WWOX: variants seen among roughly 807,000 people sequenced by gnomAD.
WWOX encodes the protein WW domain containing oxidoreductase.
WWOX carries 69 observed loss-of-function variants against 46.2 expected under a neutral mutation model. The ratio of observed to expected loss-of-function variants is 1.49; its 90% CI spans 1.23 to 1.82. The LOEUF (loss-of-function observed/expected upper bound fraction) is 1.82. WWOX is among the 40% of genes most tolerant of loss of function. The pLI is 0.00. For missense variants in WWOX, 919 were observed against 542.6 expected, an observed-to-expected ratio of 1.69 and a Z score of -6.89; for synonymous variants, 359 against 202.6, an observed-to-expected ratio of 1.77 and a Z score of -6.56.
At chr16:79,130,332 TATAAA>T (rs567509842) in intron 8 of WWOX, among the ~76,000 whole-genome samples, 19 of 152,330 alleles carry the variant, frequency 1.2e-4, no homozygotes, top group South Asian at 6.2e-4. Context: ...GATAATTAAA[TATAAA>T]ATAACATACA....
chr16:79,076,285 C>T (rs1013235658), intron 8 of WWOX, among the ~76,000 whole-genome samples: 2 of 152,212 alleles, frequency 1.3e-5, no homozygotes, highest in Non-Finnish European at 2.9e-5. Flanking sequence ...AAAAGAATCA[C>T]TTTTTCCTAG....
At chr16:78,715,187 G>A (rs753677810) in intron 8 of WWOX, among the ~76,000 whole-genome samples, 3 of 152,208 alleles carry the variant, frequency 2.0e-5, no homozygotes, top group African/African-American at 7.2e-5. Flanking sequence ...AGATTTATCA[G>A]TGAGAAAAGA....
chr16:78,720,768 T>A (rs930006866), intron 8 of WWOX, among the ~76,000 whole-genome samples: 7 of 152,154 alleles, frequency 4.6e-5, no homozygotes, highest in African/African-American at 1.7e-4. Context: ...AGGGTTATTC[T>A]CAAACTCTAT....
At chr16:78,246,157 T>C (rs560159219) in intron 5 of WWOX, among the ~76,000 whole-genome samples, 1 of 152,326 alleles carries the variant, frequency 6.6e-6, no homozygotes, top group East Asian at 1.9e-4. Context: ...CTGGATTTTC[T>C]TTCTGTTGCC....
At chr16:79,063,784 G>C (rs1307084019) in intron 8 of WWOX, among the ~76,000 whole-genome samples, 1 of 152,136 alleles carries the variant, frequency 6.6e-6, no homozygotes, top group African/African-American at 2.4e-5. Flanking sequence ...AATGAAAATA[G>C]AGCAAACATC....
chr16:78,646,993 G>T (rs1409023940), intron 8 of WWOX, among the ~76,000 whole-genome samples: 2 of 152,096 alleles, frequency 1.3e-5, no homozygotes, highest in Non-Finnish European at 2.9e-5. Context: ...GACTCTGCTG[G>T]GCCCAGATAT....
chr16:78,248,751 A>T (rs2037896207), intron 5 of WWOX, among the ~76,000 whole-genome samples: 1 of 150,676 alleles, frequency 6.6e-6, no homozygotes, highest in South Asian at 2.1e-4. Context: ...ATAAATAAAT[A>T]AATTTGACAC....
chr16:79,011,464 TTTATTTA>T (rs1417397472), intron 8 of WWOX, among the ~76,000 whole-genome samples: 56 of 85,170 alleles, frequency 6.6e-4, no homozygotes, highest in Middle Eastern at 9.1e-3. Context: ...TTTTATTTTA[TTTATTTA>T]TTTATTTATT....
chr16:78,548,175 A>AAATTC lies in WWOX; in HGVS notation c.1056+115425_1056+115426insTTCAA, dbSNP rs1567636454. 1.2e-3 allele frequency among the ~76,000 whole-genome samples: 58 copies of AAATTC among 49,498 alleles called. 15 individuals are homozygous for AAATTC. The highest frequency in any genetic ancestry group is 4.2e-3 in the East Asian group (5 of 1,188). The allele number at this position is 49,498 out of a possible 152,430, so 32.5% of individuals were successfully genotyped here. On this transcript the variant is annotated intron_variant, in intron 8 of 8. Coordinates refer to ENST00000566780, the MANE Select transcript of WWOX (RefSeq NM_016373.4). ...CTCAAAAAAAAAAAAAAAAAAAAAA[A>AAATTC]AAATTACGAATTTTGCGAGGACGCA...
chr16:78,453,234 G>C (rs79637975), intron 8 of WWOX, among the ~76,000 whole-genome samples: 18,072 of 151,774 alleles, frequency 0.12, 1,658 homozygotes, highest in African/African-American at 0.25. Flanking sequence ...TAATAGCCTG[G>C]CCAATATGGT....
chr16:78,675,610 C>G (rs139905963), intron 8 of WWOX, among the ~76,000 whole-genome samples: 1 of 152,062 alleles, frequency 6.6e-6, no homozygotes, highest in Non-Finnish European at 1.5e-5. Context: ...CCCTACTGCT[C>G]GCAACCTCAG....
intron 4 of WWOX, among the ~76,000 whole-genome samples, chr16:78,138,867 G>C (rs2033889061): frequency 6.6e-6 from 1 of 152,172 alleles, no homozygotes; most frequent in Admixed American, 6.5e-5. Context: ...ATCATCATTT[G>C]GCATCTCTAT....
chr16:78,916,556 C>G (rs182919490), intron 8 of WWOX, among the ~76,000 whole-genome samples: 32 of 152,254 alleles, frequency 2.1e-4, no homozygotes, highest in African/African-American at 7.0e-4. Flanking sequence ...ATTTTGAATA[C>G]TTCTGAGAGA....
intron 8 of WWOX, among the ~76,000 whole-genome samples, chr16:78,553,510 T>G (rs1348152333): frequency 6.6e-6 from 1 of 151,896 alleles, no homozygotes; most frequent in Non-Finnish European, 1.5e-5. Context: ...AATTGGTTGG[T>G]TTGCATTTGA....
Position 79,197,544 on chromosome 16 carries a change from C to A in WWOX, c.1057-14064C>A, listed in dbSNP as rs183207570. Among the ~76,000 whole-genome samples the A allele has an allele frequency of 2.8e-3, 420 of 152,148 alleles. 1 individual carries two copies. The highest frequency in any genetic ancestry group is 3.9e-3 in the Non-Finnish European group (266 of 68,008). On this transcript the variant is annotated intron_variant, in intron 8 of 8. Coordinates refer to ENST00000566780, the MANE Select transcript of WWOX (RefSeq NM_016373.4). ...CCAACCCTGCTTTTTGTAGACATGT[C>A]CTTTAAGCAAAGCAATTCATGGGAA... is the stretch of plus-strand genomic sequence containing the variant.
intron 8 of WWOX, among the ~76,000 whole-genome samples, chr16:79,210,765 A>G (rs1286414530): frequency 2.0e-5 from 3 of 152,038 alleles, no homozygotes; most frequent in African/African-American, 7.2e-5. Context: ...AGCATCCCTG[A>G]CAGTATTCTG....
chr16:78,629,358 G>A lies in WWOX; in HGVS notation c.1056+196606G>A, dbSNP rs537741048. ...GTGAATTCCAAATCTGTGAGTTAGT[G>A]CCGTATATAGCAGTGTTGTCAGTAA... On this transcript the variant is annotated intron_variant, in intron 8 of 8. Transcript: ENST00000566780. Among the ~76,000 whole-genome samples the A allele has an allele frequency of 4.6e-5, 7 of 152,020 alleles. No individual in the cohort carries two copies. The East Asian group carries it at 1.4e-3, about 30-fold the overall frequency.
chr16:78,711,664 G>C (rs2048447118), intron 8 of WWOX, among the ~76,000 whole-genome samples: 1 of 152,030 alleles, frequency 6.6e-6, no homozygotes, highest in Non-Finnish European at 1.5e-5. Context: ...AGACGAACAG[G>C]CCAAATGAAA....
intron 8 of WWOX, among the ~76,000 whole-genome samples, chr16:78,582,824 C>T (rs1395780320): frequency 6.6e-6 from 1 of 152,090 alleles, no homozygotes; most frequent in African/African-American, 2.4e-5. Context: ...CCCTGAAGAC[C>T]TGGTATGTCT....
Sources: gnomAD v4.1 joint callset for allele counts (sites outside exome capture counted in the v4.1 genomes callset) on GRCh38, gnomAD v4.1.1 for gene constraint, MANE v1.5 for transcripts, NCBI Gene and HGNC (gene_info 2026-07-23, HGNC 2026-07-21) for gene names.